TPM4: variants seen among roughly 807,000 people sequenced by gnomAD.
TPM4 encodes tropomyosin 4, also known as tropomyosin alpha-4 chain.
Under a neutral mutation model 35.8 loss-of-function variants are expected in TPM4, and 17 were observed. The ratio of observed to expected loss-of-function variants is 0.47; its 90% CI spans 0.32 to 0.71. The LOEUF (loss-of-function observed/expected upper bound fraction) is 0.71, where lower values mean the gene tolerates loss of function less well. Among genes scored for constraint, TPM4 ranks in the 30% least tolerant of loss-of-function variants. The pLI is 0.03. For missense variants in TPM4, 240 were observed against 320.9 expected, an observed-to-expected ratio of 0.75 and a Z score of 1.93; for synonymous variants, 120 against 122.9, an observed-to-expected ratio of 0.98 and a Z score of 0.15.
chr19:16,098,101 G>A (rs2090721032), intron 7 of TPM4, among the ~76,000 whole-genome samples: 1 of 152,126 alleles, frequency 6.6e-6, no homozygotes, highest in African/African-American at 2.4e-5. Flanking sequence ...TATGCAGCCT[G>A]TCTATCCAGT....
At chr19:16,085,447 TC>T (rs1311801240) in intron 2 of TPM4, among the ~76,000 whole-genome samples, 18 of 151,948 alleles carry the variant, frequency 1.2e-4, no homozygotes, top group Non-Finnish European at 2.6e-4. Flanking sequence ...ACACCTATAG[TC>T]CCAGCTACTC....
At position 16,095,483 on chromosome 19, in the gene TPM4, C is replaced by T. The variant is rs542930482; in HGVS notation, c.664+1730C>T. ...TCTGATGTGTCTGTGACTCTACAAC[C>T]GAAATAAAGACGGGCAGTCCTCCTC... is the stretch of plus-strand genomic sequence containing the variant. On this transcript the variant is annotated intron_variant, in intron 7 of 7. Coordinates refer to ENST00000643579, the MANE Select transcript of TPM4 (RefSeq NM_003290.3). The T allele has an allele frequency of 9.8e-6, 10 of 1,022,376 alleles. No homozygotes were observed. In the East Asian group the frequency reaches 5.1e-4, roughly 52 times the overall value. The allele number at this position is 1,022,376 out of a possible 1,614,324, so 63.3% of individuals were successfully genotyped here.
At chr19:16,081,863 G>A in intron 1 of TPM4, 50 bp from the exon 2 acceptor site, 1 of 1,520,828 alleles carries the variant, frequency 6.6e-7, no homozygotes, top group South Asian at 1.2e-5. Context: ...GGCTCCCACT[G>A]GTGGCTGGCC....
At chr19:16,091,976 G>T (rs2090632296) in intron 5 of TPM4, among the ~76,000 whole-genome samples, 1 of 151,682 alleles carries the variant, frequency 6.6e-6, no homozygotes, top group Non-Finnish European at 1.5e-5. Context: ...GAGCAGCCTG[G>T]CTGGCCATCG....
At chr19:16,082,436 A>G (rs2090494828) in intron 2 of TPM4, among the ~76,000 whole-genome samples, 2 of 152,228 alleles carry the variant, frequency 1.3e-5, no homozygotes, top group Admixed American at 1.3e-4. Flanking sequence ...TCTTGAACCC[A>G]GGAGGCAGAG....
upstream of TPM4, among the ~76,000 whole-genome samples, chr19:16,072,526 T>A (rs527256762): frequency 3.9e-5 from 6 of 152,160 alleles, no homozygotes; most frequent in Non-Finnish European, 8.8e-5. Context: ...TAACAAAGAT[T>A]CAAATCCCCC....
intron 4 of TPM4, 22 bp downstream of exon 4, chr19:16,088,119 A>G: frequency 1.2e-6 from 2 of 1,604,624 alleles, no homozygotes; most frequent in Non-Finnish European, 1.7e-6. Flanking sequence ...AACAGGACTG[A>G]GCGAGGCTGG....
intron 4 of TPM4, chr19:16,088,557 A>G: frequency 1.9e-6 from 2 of 1,041,016 alleles, no homozygotes; most frequent in Non-Finnish European, 2.3e-6. Flanking sequence ...ACCGAAAAAC[A>G]AAACACCTGT....
In TPM4 at chr19:16,087,980, C is replaced by CA. The variant is rs774485804; in HGVS notation, c.385-46dup. The CA allele has an allele frequency of 5.1e-6, 8 of 1,578,926 alleles. No homozygotes were observed. In the East Asian group the frequency reaches 1.8e-4, roughly 36 times the overall value. ...GCTGTCTGCAGTGGATGGGAGAGGA[C>CA]ACGGCTGGTGGGGATCGGGCTCAGC... On this transcript the variant is annotated intron_variant, in intron 3 of 7. Coordinates refer to ENST00000643579, the MANE Select transcript of TPM4 (RefSeq NM_003290.3).
At chr19:16,073,963 C>CAAAAAA (rs34116610), upstream of TPM4, among the ~76,000 whole-genome samples, 2 of 71,886 alleles carry the variant, frequency 2.8e-5, no homozygotes, top group African/African-American at 5.7e-5. Flanking sequence ...AAAAAAAACG[C>CAAAAAA]AAAAAAAAAA....
At chr19:16,069,236 AGT>A (rs1349851412) in intron 2 of TPM4, among the ~76,000 whole-genome samples, 1 of 150,630 alleles carries the variant, frequency 6.6e-6, no homozygotes, top group Non-Finnish European at 1.5e-5. Context: ...TGTTTAGATG[AGT>A]GTGTGTTTCT....
chr19:16,073,574 G>A (rs1168571397), upstream of TPM4, among the ~76,000 whole-genome samples: 1 of 152,156 alleles, frequency 6.6e-6, no homozygotes, highest in Non-Finnish European at 1.5e-5. Context: ...GTCAAGGTCA[G>A]GCCCTATAGA....
At position 16,093,675 on chromosome 19, in the gene TPM4, C is replaced by G; in HGVS notation, c.595-9C>G. On this transcript the variant is annotated splice_polypyrimidine_tract_variant and intron_variant, in intron 6 of 7. Transcript: ENST00000643579. ...AAGCCATGATAGTAACTCCTTTCTTCTTATCTAGGCTGAGACCCGTGCTGA... is the reference window on the plus strand; with the variant it reads ...AAGCCATGATAGTAACTCCTTTCTTGTTATCTAGGCTGAGACCCGTGCTGA... The G allele has an allele frequency of 6.2e-7, 1 of 1,614,216 alleles. No individual in the cohort carries two copies. Among genetic ancestry groups the G allele is most frequent in the Non-Finnish European group, 8.5e-7 (1 of 1,180,038 alleles).
upstream of TPM4, among the ~76,000 whole-genome samples, chr19:16,072,790 C>T (rs1459466354): frequency 6.6e-6 from 1 of 151,772 alleles, no homozygotes; most frequent in Admixed American, 6.6e-5. Context: ...GCCTGTAATC[C>T]CAGCTACTAG....
intron 1 of TPM4, among the ~76,000 whole-genome samples, chr19:16,079,072 G>A (rs77808283): frequency 0.021 from 3,137 of 152,286 alleles, 67 homozygotes; most frequent in Non-Finnish European, 0.033. Flanking sequence ...TGACTCGGCC[G>A]TGACTAGCAG....
intron 2 of TPM4, among the ~76,000 whole-genome samples, chr19:16,083,914 G>A (rs368610898): frequency 8.6e-5 from 13 of 151,808 alleles, no homozygotes; most frequent in African/African-American, 2.2e-4. Context: ...GACTACAGGC[G>A]CATGCCATCA....
intron 2 of TPM4, among the ~76,000 whole-genome samples, chr19:16,085,439 A>C (rs577862902): frequency 1.1e-4 from 17 of 151,846 alleles, no homozygotes; most frequent in Non-Finnish European, 2.1e-4. Flanking sequence ...AGTGGTGCAC[A>C]CCTATAGTCC....
Position 16,096,305 on chromosome 19 carries a change from G to T in TPM4, c.664+2552G>T, listed in dbSNP as rs561261535. Among the ~76,000 whole-genome samples the T allele has an allele frequency of 5.9e-5, 9 of 152,180 alleles. No homozygotes were observed. The South Asian group carries it at 1.0e-3, about 18-fold the overall frequency. On this transcript the variant is annotated intron_variant, in intron 7 of 7. Coordinates refer to ENST00000643579, the MANE Select transcript of TPM4 (RefSeq NM_003290.3). Reference sequence around the variant, plus strand: ...GGTCTTGAACTGCTGGGCTCAGGCAGTCTGCCCACCTCACCCTCCCAGGGT... The same window carrying T: ...GGTCTTGAACTGCTGGGCTCAGGCATTCTGCCCACCTCACCCTCCCAGGGT...
At chr19:16,076,802 G>A (rs2051260411) in intron 1 of TPM4, 105 bp downstream of exon 1, 9 of 1,265,422 alleles carry the variant, frequency 7.1e-6, no homozygotes, top group Non-Finnish European at 9.0e-6. Flanking sequence ...TCCTCGGGCC[G>A]CCTTTTTACG....
Sources: gnomAD v4.1 joint callset for allele counts (sites outside exome capture counted in the v4.1 genomes callset) on GRCh38, gnomAD v4.1.1 for gene constraint, MANE v1.5 for transcripts, NCBI Gene and HGNC (gene_info 2026-07-23, HGNC 2026-07-21) for gene names.